SYT14: variants seen among roughly 807,000 people sequenced by gnomAD.
SYT14 encodes synaptotagmin-14.
In SYT14, 32 loss-of-function variants were observed where a neutral mutation model predicts 74.2. The observed-to-expected ratio is 0.43, with a 90% CI of 0.33 to 0.58. The LOEUF (loss-of-function observed/expected upper bound fraction) is 0.58. SYT14 is among the 20% of genes least tolerant of loss of function. The pLI, the probability that SYT14 is intolerant of heterozygous loss-of-function variation, is 0.05. For missense variants in SYT14, 791 were observed against 981.8 expected, an observed-to-expected ratio of 0.81 and a Z score of 2.60; for synonymous variants, 298 against 337.7, an observed-to-expected ratio of 0.88 and a Z score of 1.29.
intron 2 of SYT14, among the ~76,000 whole-genome samples, chr1:210,012,127 A>G (rs1028505517): frequency 1.3e-5 from 2 of 152,148 alleles, no homozygotes; most frequent in African/African-American, 2.4e-5. Context: ...GCTTTTGCAG[A>G]TGTTATTTCT....
chr1:209,998,850 A>G (rs977836881), intron 2 of SYT14, among the ~76,000 whole-genome samples: 1 of 152,136 alleles, frequency 6.6e-6, no homozygotes, highest in African/African-American at 2.4e-5. Context: ...ACTGAAAGAA[A>G]AAAGGAGAAA....
chr1:210,105,906 T>C (rs1558192575), intron 7 of SYT14, among the ~76,000 whole-genome samples: 1 of 152,222 alleles, frequency 6.6e-6, no homozygotes, highest in Non-Finnish European at 1.5e-5. Flanking sequence ...ATTTTTGCCT[T>C]CTGCTGAGAG....
chr1:210,005,583 T>C (rs1367589627), intron 2 of SYT14, among the ~76,000 whole-genome samples: 3 of 151,936 alleles, frequency 2.0e-5, no homozygotes, highest in African/African-American at 7.2e-5. Flanking sequence ...ACACATTGAA[T>C]AGGTAATGAA....
At chr1:210,057,618 A>G (rs2081124763) in intron 5 of SYT14, among the ~76,000 whole-genome samples, 1 of 152,214 alleles carries the variant, frequency 6.6e-6, no homozygotes, top group Non-Finnish European at 1.5e-5. Context: ...CAAAGTTATG[A>G]ACTTGATTTT....
chr1:210,097,811 T>G (rs984091698), intron 6 of SYT14, among the ~76,000 whole-genome samples: 6 of 152,214 alleles, frequency 3.9e-5, no homozygotes, highest in African/African-American at 1.4e-4. Context: ...ATTTATTTCT[T>G]CTCCCCAAGT....
Position 210,001,884 on chromosome 1 carries a change from G to C in SYT14, c.-485-11749G>C, listed in dbSNP as rs532788296. On this transcript the variant is annotated intron_variant, in intron 2 of 9. Transcript: ENST00000637265. Reference sequence around the variant, plus strand: ...AGGCCGACTGTGGAATGAACTAGTAGGGAAGTGGTAGGAAATGAGGTCAGA... The same window carrying C: ...AGGCCGACTGTGGAATGAACTAGTACGGAAGTGGTAGGAAATGAGGTCAGA... 1.1e-4 allele frequency among the ~76,000 whole-genome samples: 17 copies of C among 152,254 alleles called. No homozygotes were observed. In the South Asian group the frequency reaches 3.3e-3, roughly 30 times the overall value.
At chr1:209,970,651 G>C (rs2079235049) in intron 2 of SYT14, among the ~76,000 whole-genome samples, 1 of 131,130 alleles carries the variant, frequency 7.6e-6, no homozygotes, top group Admixed American at 8.1e-5. Flanking sequence ...AGATTGCTTT[G>C]GGCAGTATGG....
chr1:209,989,558 T>C (rs1397511469), intron 2 of SYT14, among the ~76,000 whole-genome samples: 2 of 152,242 alleles, frequency 1.3e-5, no homozygotes, highest in African/African-American at 2.4e-5. Flanking sequence ...AGATTACTTA[T>C]TAAGTTTTAA....
chr1:209,994,109 A>G (rs895952352), intron 2 of SYT14, among the ~76,000 whole-genome samples: 3 of 152,144 alleles, frequency 2.0e-5, no homozygotes, highest in Non-Finnish European at 2.9e-5. Context: ...CCTACCTCCA[A>G]ATGAATCTAC....
At chr1:210,012,476 G>C (rs148205360) in intron 2 of SYT14, among the ~76,000 whole-genome samples, 96 of 152,290 alleles carry the variant, frequency 6.3e-4, no homozygotes, top group Admixed American at 1.6e-3. Context: ...TAAAAACAAG[G>C]AGTGTGGTAT....
At chr1:210,056,120 C>CT (rs1440429806) in intron 5 of SYT14, among the ~76,000 whole-genome samples, 12 of 152,052 alleles carry the variant, frequency 7.9e-5, no homozygotes, top group Admixed American at 7.9e-4. Context: ...TGAAACTTAC[C>CT]TTTATAAGTT....
intron 7 of SYT14, among the ~76,000 whole-genome samples, chr1:210,107,206 T>A (rs755717582): frequency 6.6e-5 from 10 of 152,260 alleles, no homozygotes; most frequent in Non-Finnish European, 1.2e-4. Flanking sequence ...GTGAGGCAGT[T>A]CTTTACAGTT....
intron 2 of SYT14, among the ~76,000 whole-genome samples, chr1:209,963,545 G>T (rs1054086874): frequency 2.0e-5 from 3 of 151,970 alleles, no homozygotes; most frequent in Non-Finnish European, 4.4e-5. Flanking sequence ...TGTATGGCTG[G>T]GATCTTTTGA....
In SYT14 at chr1:210,048,536, C is replaced by T. The variant is rs72649941; in HGVS notation, c.1312+27282C>T. Among the ~76,000 whole-genome samples the T allele has an allele frequency of 0.016, 2,364 of 152,238 alleles. 185 individuals are homozygous for T. The East Asian group carries it at 0.25, about 16-fold the overall frequency. ...CTCAGTCACTATCACAAGAACAGCG[C>T]AGGAAAGATGCACCCCCATAATTCA... On this transcript the variant is annotated intron_variant, in intron 5 of 9. Coordinates refer to ENST00000637265, the Ensembl canonical transcript of SYT14.
intron 4 of SYT14, among the ~76,000 whole-genome samples, chr1:210,019,412 C>G (rs1311763872): frequency 6.6e-6 from 1 of 152,128 alleles, no homozygotes; most frequent in Admixed American, 6.5e-5. Context: ...CTGCATTGTT[C>G]CATATAGTAA....
intron 5 of SYT14, among the ~76,000 whole-genome samples, chr1:210,085,289 T>G (rs2081700866): frequency 6.6e-6 from 1 of 152,212 alleles, no homozygotes; most frequent in African/African-American, 2.4e-5. Context: ...TCTAAATTAT[T>G]TTGGGTTTTC....
At chr1:210,046,636 T>C (rs2080890847) in intron 5 of SYT14, among the ~76,000 whole-genome samples, 1 of 152,200 alleles carries the variant, frequency 6.6e-6, no homozygotes, top group East Asian at 1.9e-4. Context: ...CTCTTGTGTC[T>C]GGCTTCTTTC....
intron 2 of SYT14, among the ~76,000 whole-genome samples, chr1:209,974,981 A>C (rs1445812379): frequency 6.6e-6 from 1 of 152,124 alleles, no homozygotes; most frequent in African/African-American, 2.4e-5. Context: ...GCAATTGTGA[A>C]TGGGAGTTCA....
Position 209,952,321 on chromosome 1 carries a change from T to C in SYT14, c.-533-388T>C, listed in dbSNP as rs141952007. 4.8e-3 allele frequency among the ~76,000 whole-genome samples: 727 copies of C among 152,312 alleles called. 4 individuals are homozygous for C. The highest frequency in any genetic ancestry group is 0.014 in the African/African-American group (569 of 41,572). On this transcript the variant is annotated intron_variant, in intron 1 of 9. Coordinates refer to ENST00000637265, the Ensembl canonical transcript of SYT14. ...TATGATAAAATATAAATAGTAACTT[T>C]ACAGGATTGACCTTTCAATAACTTA...
Sources: allele counts gnomAD v4.1 joint callset (sites outside exome capture counted in the v4.1 genomes callset), GRCh38; gene constraint gnomAD v4.1.1; transcripts MANE v1.5; gene names NCBI Gene and HGNC (gene_info 2026-07-23, HGNC 2026-07-21).